FAAH2: variants seen among roughly 807,000 people sequenced by gnomAD.
The protein encoded by FAAH2 is fatty-acid amide hydrolase 2.
Under a neutral mutation model 36.9 loss-of-function variants are expected in FAAH2, and 60 were observed. The observed-to-expected ratio is 1.63, with a 90% confidence interval of 1.32 to 2.02. The LOEUF (loss-of-function observed/expected upper bound fraction) is 2.02, where lower values mean the gene tolerates loss of function less well. Ranked by LOEUF, FAAH2 falls within the 30% of genes most tolerant of loss-of-function variation. The pLI, the probability that FAAH2 is intolerant of heterozygous loss-of-function variation, is 0.00. For synonymous variants in FAAH2, 214 were observed against 143.8 expected (o/e 1.49, Z -3.49); for missense variants, 689 against 397.5 (o/e 1.73, Z -6.23).
the FAAH2 span, among the ~76,000 whole-genome samples, chrX:57,203,271 G>T: frequency 1.8e-5 from 2 of 112,336 alleles, no homozygotes; most frequent in Non-Finnish European, 3.8e-5. Context: ...AAAGGGATGG[G>T]CTCTGGCTAG....
chrX:57,421,768 T>C (rs891206181), intron 7 of FAAH2, among the ~76,000 whole-genome samples: 3 of 112,141 alleles, frequency 2.7e-5, no homozygotes, highest in Non-Finnish European at 5.6e-5. Flanking sequence ...TTGTTGAGCG[T>C]GGGTCCATTG....
chrX:57,265,523 C>T, the FAAH2 span, among the ~76,000 whole-genome samples: 1 of 111,282 alleles, frequency 9.0e-6, no homozygotes, highest in Non-Finnish European at 1.9e-5. Context: ...CCAAACCAAA[C>T]GGGGGCAGAA....
At chrX:57,317,343 C>A (rs780912723) in intron 3 of FAAH2, among the ~76,000 whole-genome samples, 1 of 111,403 alleles carries the variant, frequency 9.0e-6, no homozygotes, top group Non-Finnish European at 1.9e-5. Flanking sequence ...AAATGTAAAG[C>A]GAAAAAGAGC....
At chrX:57,455,819 C>A (rs2056855679) in intron 10 of FAAH2, among the ~76,000 whole-genome samples, 1 of 111,882 alleles carries the variant, frequency 8.9e-6, no homozygotes, top group Non-Finnish European at 1.9e-5. Flanking sequence ...TTCTTCCTAA[C>A]CAATGGAAAG....
the FAAH2 span, among the ~76,000 whole-genome samples, chrX:57,216,755 G>A: frequency 2.0e-5 from 2 of 100,616 alleles, no homozygotes; most frequent in Admixed American, 1.1e-4. Context: ...TATCTTTTTC[G>A]AATAATAACT....
chrX:57,147,350 G>GT, the FAAH2 span, among the ~76,000 whole-genome samples: 1 of 111,489 alleles, frequency 9.0e-6, no homozygotes, highest in African/African-American at 3.2e-5. Flanking sequence ...TTATGCGCAA[G>GT]TTCATAGCAG....
chrX:57,137,136 C>G, the FAAH2 span: 20 of 764,240 alleles, frequency 2.6e-5, no homozygotes, highest in Non-Finnish European at 3.1e-5. Flanking sequence ...GCGCCCAACT[C>G]CACCCCATGT....
At chrX:57,238,255 A>G in the FAAH2 span, among the ~76,000 whole-genome samples, 1 of 112,266 alleles carries the variant, frequency 8.9e-6, no homozygotes. Flanking sequence ...CTAAATGTCC[A>G]TCAATGGTAG....
the FAAH2 span, among the ~76,000 whole-genome samples, chrX:57,122,984 T>C: frequency 6.3e-5 from 7 of 111,993 alleles, no homozygotes; most frequent in South Asian, 1.1e-3. Flanking sequence ...CAGTGAGGGC[T>C]TTTTATTTTA....
intron 4 of FAAH2, among the ~76,000 whole-genome samples, chrX:57,338,388 A>G (rs185224138): frequency 2.4e-3 from 270 of 111,970 alleles, no homozygotes; most frequent in Non-Finnish European, 4.1e-3. Context: ...GTGGAATGTC[A>G]TCAGTTAAGG....
the FAAH2 span, among the ~76,000 whole-genome samples, chrX:57,187,793 C>T: frequency 1.8e-5 from 2 of 111,140 alleles, no homozygotes; most frequent in African/African-American, 6.5e-5. Context: ...TGAATTTTAT[C>T]GGAGGTCTTT....
the FAAH2 span, among the ~76,000 whole-genome samples, chrX:57,247,068 G>A: frequency 1.8e-5 from 2 of 111,247 alleles, no homozygotes; most frequent in South Asian, 7.4e-4. Flanking sequence ...AAATGTAAAA[G>A]CCATTCTTAG....
At chrX:57,440,703 GT>G (rs1452229216) in intron 8 of FAAH2, among the ~76,000 whole-genome samples, 5 of 111,625 alleles carry the variant, frequency 4.5e-5, no homozygotes, top group African/African-American at 1.6e-4. Flanking sequence ...AATGCTTCCA[GT>G]TTTTGCCCAT....
At chrX:57,174,736 G>A in the FAAH2 span, among the ~76,000 whole-genome samples, 1 of 111,315 alleles carries the variant, frequency 9.0e-6, no homozygotes. Flanking sequence ...TTTCCTCTTA[G>A]CCCTGCTTTT....
intron 2 of FAAH2, among the ~76,000 whole-genome samples, chrX:57,294,381 T>A (rs1207454275): frequency 6.2e-5 from 7 of 112,295 alleles, no homozygotes; most frequent in Admixed American, 9.5e-5. Context: ...TCCAGCTTTG[T>A]GTTTGTGATT....
At chrX:57,212,454 T>A in the FAAH2 span, among the ~76,000 whole-genome samples, 69 of 111,472 alleles carry the variant, frequency 6.2e-4, 1 homozygote, top group African/African-American at 2.1e-3. Context: ...ATCTGAAAAG[T>A]AACAGAATAA....
chrX:57,242,807 C>T, the FAAH2 span, among the ~76,000 whole-genome samples: 1 of 112,275 alleles, frequency 8.9e-6, no homozygotes, highest in Non-Finnish European at 1.9e-5. Context: ...CAAGGCCCTG[C>T]ATTTCAAGCA....
chrX:57,343,846 C>A (rs1218565230), intron 5 of FAAH2, among the ~76,000 whole-genome samples: 4 of 111,372 alleles, frequency 3.6e-5, no homozygotes, highest in Non-Finnish European at 7.5e-5. Context: ...GGCCAGTTAT[C>A]CCGGCGCCAT....
At chrX:57,241,231 CA>C in the FAAH2 span, among the ~76,000 whole-genome samples, 1 of 112,033 alleles carries the variant, frequency 8.9e-6, no homozygotes, top group Admixed American at 9.4e-5. Context: ...AATGTAAAAC[CA>C]AAAACTATAA....
Sources: allele counts gnomAD v4.1 joint callset (sites outside exome capture counted in the v4.1 genomes callset), GRCh38; gene constraint gnomAD v4.1.1; transcripts MANE v1.5; gene names NCBI Gene and HGNC (gene_info 2026-07-23, HGNC 2026-07-21).